PADI2: variants seen among roughly 807,000 people sequenced by gnomAD.
The protein encoded by PADI2 is protein-arginine deiminase type-2.
PADI2 carries 70 observed loss-of-function variants against 81.1 expected under a neutral mutation model. The ratio of observed to expected loss-of-function variants is 0.86; its 90% CI spans 0.71 to 1.05. PADI2 has a LOEUF of 1.05. Ranked by LOEUF, PADI2 falls within the 50% of genes least tolerant of loss-of-function variation. The pLI is 0.00. For synonymous variants in PADI2, 338 were observed against 358.0 expected, an observed-to-expected ratio of 0.94 and a Z score of 0.63; for missense variants, 853 against 889.9, an observed-to-expected ratio of 0.96 and a Z score of 0.53.
intron 11 of PADI2, 78 bp downstream of exon 11, chr1:17,079,186 G>C: frequency 7.4e-7 from 1 of 1,353,158 alleles, no homozygotes; most frequent in South Asian, 1.4e-5. Flanking sequence ...CCATGTGTGA[G>C]CAACCCAGGC....
intron 7 of PADI2, among the ~76,000 whole-genome samples, chr1:17,084,972 T>C (rs1402661999): frequency 6.6e-6 from 1 of 152,224 alleles, no homozygotes; most frequent in African/African-American, 2.4e-5. Context: ...GGTTGGTAAG[T>C]GGTAGAGCCA....
In PADI2 at chr1:17,104,126, C is replaced by CA. The variant is rs112120798; in HGVS notation, c.276+751dup. ...TGAAACCCCATCTCTACTAAAAATA[C>CA]AAAAAAAAAAAAAAATTAGCTAGGC... On this transcript the variant is annotated intron_variant, in intron 2 of 15. Coordinates refer to ENST00000375486, the MANE Select transcript of PADI2 (RefSeq NM_007365.3). Among the ~76,000 whole-genome samples the CA allele has an allele frequency of 3.0e-3, 398 of 133,908 alleles. 2 individuals carry two copies. Among genetic ancestry groups the CA allele is most frequent in the Admixed American group, 6.3e-3 (84 of 13,318 alleles). 87.8% of individuals were successfully genotyped at this position (133,908 alleles called of 152,430 possible). A position where few individuals can be genotyped will look rare whatever the true frequency, so the allele number is the denominator to read the frequency against.
chr1:17,083,739 T>C lies in PADI2; in HGVS notation c.1037A>G (p.Asp346Gly). 1 of 1,611,428 alleles carries C rather than the reference T, an allele frequency of 6.2e-7. No homozygotes were observed. Among genetic ancestry groups the C allele is most frequent in the African/African-American group, 1.3e-5 (1 of 74,982 alleles). ...KVCFQYLNRG[D>G]RWIQDEIEFG... ...TGGGCTCCTTACCTGGATCCAGCGA[T>C]CGCCTCGGTTTAGGTACTGGAAGCA... Residue 346 changes from aspartate to glycine, a missense_variant, in exon 9 of 16, where the codon GAT becomes GGT. Asp to Gly is a moderately conservative substitution (Grantham distance 94). Transcript: ENST00000375486.
intron 1 of PADI2, among the ~76,000 whole-genome samples, chr1:17,118,475 C>G (rs887402381): frequency 2.0e-5 from 3 of 152,140 alleles, no homozygotes; most frequent in African/African-American, 7.2e-5. Flanking sequence ...TGGCTGCTTT[C>G]TGGGATTGCG....
rs771499888 is a variant in PADI2, at chr1:17,084,619, G to A, written c.918C>T (p.Pro306=). Residue 306 remains proline, a synonymous_variant, in exon 8 of 16, where the codon CCC becomes CCT. Coordinates refer to ENST00000375486, the MANE Select transcript of PADI2 (RefSeq NM_007365.3). ...CTTACCAGCACACAAACACCGACACGGGAGGCAGGATGTTGGGGGTCATGA... is the reference window on the plus strand; with the variant it reads ...CTTACCAGCACACAAACACCGACACAGGAGGCAGGATGTTGGGGGTCATGA... ...PWIMTPNILP[P]VSVFVCCMKD... 11 of 1,583,018 alleles carry A rather than the reference G, an allele frequency of 6.9e-6. No individual in the cohort carries two copies. The highest frequency in any genetic ancestry group is 1.3e-5 in the African/African-American group (1 of 74,134).
chr1:17,074,971 G>A, intron 12 of PADI2, 22 bp from the exon 13 acceptor site: 1 of 1,557,100 alleles, frequency 6.4e-7, no homozygotes, highest in East Asian at 2.3e-5. Context: ...AGTCCAGAGG[G>A]ACAGAGTCAG....
At chr1:17,086,475 TG>T in intron 7 of PADI2, 45 bp downstream of exon 7, 1 of 1,530,834 alleles carries the variant, frequency 6.5e-7, no homozygotes, top group Non-Finnish European at 8.9e-7. Flanking sequence ...AGACCCACCC[TG>T]GCCCCTGGGG....
At chr1:17,106,026 C>T (rs1931363009) in intron 1 of PADI2, among the ~76,000 whole-genome samples, 1 of 152,146 alleles carries the variant, frequency 6.6e-6, no homozygotes, top group Admixed American at 6.5e-5. Flanking sequence ...GGAACCCTGT[C>T]TCCCTGCCCA....
chr1:17,118,689 A>C (rs1453908699), intron 1 of PADI2, among the ~76,000 whole-genome samples: 1 of 152,162 alleles, frequency 6.6e-6, no homozygotes. Context: ...AGTCAGGGGA[A>C]GGTATCTGGG....
chr1:17,108,450 C>G (rs1569591989), intron 1 of PADI2, among the ~76,000 whole-genome samples: 1 of 152,132 alleles, frequency 6.6e-6, no homozygotes. Flanking sequence ...CCCCCTAGGG[C>G]TGGGGCCACG....
chr1:17,076,910 GCA>G (rs112629842), intron 11 of PADI2, among the ~76,000 whole-genome samples: 1 of 151,626 alleles, frequency 6.6e-6, no homozygotes, highest in East Asian at 1.9e-4. Flanking sequence ...CCCAAGGTCT[GCA>G]ATCTCTCCAT....
intron 6 of PADI2, among the ~76,000 whole-genome samples, chr1:17,091,978 C>T (rs1446241880): frequency 6.6e-6 from 1 of 152,210 alleles, no homozygotes; most frequent in African/African-American, 2.4e-5. Context: ...GGGCCCAGGA[C>T]ATCTGTTGCC....
intron 13 of PADI2, among the ~76,000 whole-genome samples, chr1:17,073,559 A>C (rs1355964621): frequency 6.6e-6 from 1 of 152,172 alleles, no homozygotes; most frequent in Non-Finnish European, 1.5e-5. Flanking sequence ...TTATCACAAT[A>C]AAAAACATGT....
At chr1:17,073,453 T>C (rs1286274985) in intron 13 of PADI2, among the ~76,000 whole-genome samples, 1 of 149,194 alleles carries the variant, frequency 6.7e-6, no homozygotes, top group Admixed American at 6.7e-5. Flanking sequence ...ATATAGAGAG[T>C]GCTGATGGTT....
intron 1 of PADI2, among the ~76,000 whole-genome samples, chr1:17,116,810 T>C (rs981646603): frequency 4.6e-5 from 7 of 152,308 alleles, no homozygotes; most frequent in Middle Eastern, 3.4e-3. Flanking sequence ...GTTCAGTTCC[T>C]AAGTGCCCAC....
At chr1:17,081,629 G>A (rs1381609744) in intron 10 of PADI2, among the ~76,000 whole-genome samples, 1 of 152,218 alleles carries the variant, frequency 6.6e-6, no homozygotes, top group Non-Finnish European at 1.5e-5. Context: ...ATCTATTCCA[G>A]TCTCTTGTTT....
At chr1:17,104,726 C>T in intron 2 of PADI2, 152 bp downstream of exon 2, 2 of 588,962 alleles carry the variant, frequency 3.4e-6, no homozygotes, top group East Asian at 6.6e-5. Flanking sequence ...AGCTACTGCG[C>T]CCGGCCTCTT....
chr1:17,078,144 T>C (rs1413502928), intron 11 of PADI2, among the ~76,000 whole-genome samples: 1 of 152,214 alleles, frequency 6.6e-6, no homozygotes, highest in African/African-American at 2.4e-5. Context: ...GCAGTTTCAC[T>C]CTTGTTGCCC....
At chr1:17,092,675 G>T in intron 5 of PADI2, 142 bp from the exon 6 acceptor site, 1 of 722,230 alleles carries the variant, frequency 1.4e-6, no homozygotes, top group Non-Finnish European at 2.1e-6. Context: ...GAGGCTGGGT[G>T]CTGTGGCTCA....
Sources: allele counts gnomAD v4.1 joint callset (sites outside exome capture counted in the v4.1 genomes callset), GRCh38; gene constraint gnomAD v4.1.1; transcripts MANE v1.5; gene names NCBI Gene and HGNC (gene_info 2026-07-23, HGNC 2026-07-21).